Variants in ARID5B observed in about 807,000 individuals in gnomAD.
The protein encoded by ARID5B is AT-rich interactive domain-containing protein 5B.
Under a neutral mutation model 97.2 loss-of-function variants are expected in ARID5B, and 13 were observed. That is an observed-to-expected ratio of 0.13 (90% CI 0.09 to 0.21). The LOEUF (loss-of-function observed/expected upper bound fraction) is 0.21, where lower values mean the gene tolerates loss of function less well. Ranked by LOEUF, ARID5B falls within the 10% of genes least tolerant of loss-of-function variation. The pLI, the probability that ARID5B is intolerant of heterozygous loss-of-function variation, is 1.00. For synonymous variants in ARID5B, 556 were observed against 570.3 expected (o/e 0.97, Z 0.36); for missense variants, 1,210 against 1,465.3 (o/e 0.83, Z 2.84).
chr10:62,067,236 C>T (rs112630715), intron 7 of ARID5B, among the ~76,000 whole-genome samples: 2,734 of 152,264 alleles, frequency 0.018, 42 homozygotes, highest in Non-Finnish European at 0.031. Flanking sequence ...AGGCATGCGC[C>T]ACCACCCCGG....
chr10:61,920,191 A>C (rs1041001185), intron 2 of ARID5B, among the ~76,000 whole-genome samples: 1 of 152,030 alleles, frequency 6.6e-6, no homozygotes, highest in African/African-American at 2.4e-5. Flanking sequence ...AGCCAAGAGG[A>C]ATCTTGCTTC....
In ARID5B at chr10:62,095,659, T is replaced by G. The variant is rs1251976442; in HGVS notation, c.*2629T>G. The G allele has an allele frequency of 1.3e-5, 3 of 233,104 alleles. No individual in the cohort carries two copies. Among genetic ancestry groups the G allele is most frequent in the Non-Finnish European group, 2.5e-5 (3 of 117,748 alleles). 14.4% of individuals were successfully genotyped at this position (233,104 alleles called of 1,614,324 possible). On this transcript the variant is annotated 3_prime_UTR_variant, in exon 10 of 10. Transcript: ENST00000279873. The stretch of plus-strand genomic sequence containing the variant: ...CAACAGAAGCAGTGTGTTATTTGTT[T>G]TAAAACTCTGAACAGAGATCTTGGA...
At chr10:62,032,529 A>G (rs1839510138) in intron 4 of ARID5B, among the ~76,000 whole-genome samples, 13 of 152,004 alleles carry the variant, frequency 8.6e-5, no homozygotes. Context: ...AGCCTGGCCA[A>G]CATGGTGAAA....
chr10:62,042,856 A>G (rs1329474084), intron 4 of ARID5B, among the ~76,000 whole-genome samples: 1 of 150,394 alleles, frequency 6.6e-6, no homozygotes, highest in Non-Finnish European at 1.5e-5. Context: ...TGGAGCATGC[A>G]GTGAGCCAAG....
intron 2 of ARID5B, among the ~76,000 whole-genome samples, chr10:61,919,619 C>G (rs910349870): frequency 5.3e-5 from 8 of 152,156 alleles, no homozygotes; most frequent in Non-Finnish European, 7.3e-5. Flanking sequence ...TCAGTCTCCT[C>G]GCCAAATGAT....
At position 61,929,082 on chromosome 10, in the gene ARID5B, T is replaced by C. The variant is rs532060507; in HGVS notation, c.277-11101T>C. Among the ~76,000 whole-genome samples, 12 of 152,318 alleles carry C rather than the reference T, an allele frequency of 7.9e-5. No individual in the cohort carries two copies. The South Asian group carries it at 1.0e-3, about 13-fold the overall frequency. On this transcript the variant is annotated intron_variant, in intron 2 of 9. Coordinates refer to ENST00000279873, the MANE Select transcript of ARID5B (RefSeq NM_032199.3). ...GTCAGGACACAAGCTGAAGTGGTTGTAGTTAGTCTGTCTAAAAGTTGACTC... is the reference window on the plus strand; with the variant it reads ...GTCAGGACACAAGCTGAAGTGGTTGCAGTTAGTCTGTCTAAAAGTTGACTC...
At chr10:62,074,238 A>G (rs1840099420) in intron 8 of ARID5B, among the ~76,000 whole-genome samples, 1 of 152,278 alleles carries the variant, frequency 6.6e-6, no homozygotes, top group Non-Finnish European at 1.5e-5. Flanking sequence ...TTGAGTATTT[A>G]GAAAATCAAA....
At chr10:62,021,181 T>A (rs990968280) in intron 4 of ARID5B, among the ~76,000 whole-genome samples, 1 of 151,720 alleles carries the variant, frequency 6.6e-6, no homozygotes, top group African/African-American at 2.4e-5. Flanking sequence ...CCACAAATAC[T>A]CACTCTGGAT....
Position 62,092,799 on chromosome 10 carries a change from T to G in ARID5B, c.3336T>G (p.Leu1112=). The part of the protein sequence containing the change: ...SLQYLKNQTV[L]SPLMQPLAFH... ...AGTACTTGAAAAACCAGACTGTGCT[T>G]TCTCCACTCATGCAGCCCCTGGCTT... Residue 1112 remains leucine (L), a synonymous_variant, in exon 10 of 10, where the codon CTT becomes CTG. Coordinates refer to ENST00000279873, the MANE Select transcript of ARID5B (RefSeq NM_032199.3). The G allele has an allele frequency of 6.2e-7, 1 of 1,614,198 alleles. No individual in the cohort carries two copies. Among genetic ancestry groups the G allele is most frequent in the Non-Finnish European group, 8.5e-7 (1 of 1,180,018 alleles).
Position 62,092,699 on chromosome 10 carries a change from C to G in ARID5B, c.3236C>G (p.Pro1079Arg). Residue 1079 changes from proline (P) to arginine (R), a missense_variant, in exon 10 of 10, where the codon CCA (proline) becomes CGA (arginine). Coordinates refer to ENST00000279873, the MANE Select transcript of ARID5B (RefSeq NM_032199.3). ...CTTCCCCTCTCCTCCCCTATCTTCC[C>G]AGGTCTGTATTCCGGGAGCCTGTGT... ...HKLPLSSPIF[P>R]GLYSGSLCNS... The G allele has an allele frequency of 6.2e-7, 1 of 1,614,090 alleles. No individual in the cohort carries two copies. Among genetic ancestry groups the G allele is most frequent in the Non-Finnish European group, 8.5e-7 (1 of 1,179,988 alleles).
intron 8 of ARID5B, among the ~76,000 whole-genome samples, chr10:62,073,583 G>T (rs1195496811): frequency 3.9e-5 from 6 of 152,182 alleles, no homozygotes; most frequent in Non-Finnish European, 8.8e-5. Context: ...TCATAAAAAT[G>T]TCTTTGTCAG....
chr10:62,073,148 CT>C (rs1840087073), intron 8 of ARID5B, among the ~76,000 whole-genome samples: 1 of 152,172 alleles, frequency 6.6e-6, no homozygotes, highest in Non-Finnish European at 1.5e-5. Context: ...AGAGCTCTTC[CT>C]ACTAGGCTGC....
intron 4 of ARID5B, among the ~76,000 whole-genome samples, chr10:62,012,715 G>C (rs937822874): frequency 6.6e-6 from 1 of 152,100 alleles, no homozygotes; most frequent in Non-Finnish European, 1.5e-5. Flanking sequence ...TTTTTCAAAA[G>C]CACTTTCATT....
At chr10:61,950,582 A>G (rs2132810735) in intron 3 of ARID5B, among the ~76,000 whole-genome samples, 1 of 152,310 alleles carries the variant, frequency 6.6e-6, no homozygotes, top group African/African-American at 2.4e-5. Flanking sequence ...AGGCAGGACA[A>G]TCACTTATGC....
intron 8 of ARID5B, among the ~76,000 whole-genome samples, chr10:62,080,524 C>T (rs1241474011): frequency 1.3e-5 from 2 of 152,192 alleles, no homozygotes; most frequent in Non-Finnish European, 2.9e-5. Context: ...ACTCTCTATG[C>T]TTATTGGAAC....
intron 2 of ARID5B, among the ~76,000 whole-genome samples, chr10:61,910,432 G>A (rs1843782074): frequency 6.6e-6 from 1 of 152,126 alleles, no homozygotes; most frequent in South Asian, 2.1e-4. Flanking sequence ...GGCTTTTAAG[G>A]AAATTTAAAA....
At chr10:62,020,530 A>AAAAC in intron 4 of ARID5B, among the ~76,000 whole-genome samples, 1 of 152,310 alleles carries the variant, frequency 6.6e-6, no homozygotes, top group Admixed American at 6.5e-5. Flanking sequence ...GCTCTCCAGT[A>AAAAC]AAACAAACAG....
chr10:62,037,784 G>T (rs1839584898), intron 4 of ARID5B, among the ~76,000 whole-genome samples: 1 of 152,190 alleles, frequency 6.6e-6, no homozygotes, highest in Admixed American at 6.5e-5. Context: ...GTCATGTTTT[G>T]CTAAAGAACT....
chr10:62,087,298 C>CAAAAAAAAAAAAAAAAAAAAAAAA (rs71299289), intron 9 of ARID5B, among the ~76,000 whole-genome samples: 2 of 40,926 alleles, frequency 4.9e-5, no homozygotes, highest in Admixed American at 5.8e-4. Context: ...GACTCTATCT[C>CAAAAAAAAAAAAAAAAAAAAAAAA]AAAAAAAAAA....
Sources: gnomAD v4.1 joint callset for allele counts (sites outside exome capture counted in the v4.1 genomes callset) on GRCh38, gnomAD v4.1.1 for gene constraint, MANE v1.5 for transcripts, NCBI Gene and HGNC (gene_info 2026-07-23, HGNC 2026-07-21) for gene names.